The following DTNA variants were observed in gnomAD, a reference collection of about 807,000 sequenced individuals.
DTNA encodes the protein dystrobrevin alpha.
Under a neutral mutation model 100.7 loss-of-function variants are expected in DTNA, and 43 were observed. That is an observed-to-expected ratio of 0.43 (90% CI 0.33 to 0.55). The LOEUF is 0.55. Among genes scored for constraint, DTNA ranks in the 20% least tolerant of loss-of-function variants. DTNA has a pLI of 0.04. For synonymous variants in DTNA, 349 were observed against 347.9 expected, an observed-to-expected ratio of 1.00 and a Z score of -0.04; for missense variants, 798 against 953.9, an observed-to-expected ratio of 0.84 and a Z score of 2.15.
chr18:34,682,137 T>C (rs141040878), intron 1 of DTNA, among the ~76,000 whole-genome samples: 5 of 152,310 alleles, frequency 3.3e-5, no homozygotes, highest in African/African-American at 1.2e-4. Flanking sequence ...ATAGTTCATT[T>C]TGTTTTAGTG....
At chr18:34,634,881 T>C (rs745724022) in intron 1 of DTNA, among the ~76,000 whole-genome samples, 1 of 152,182 alleles carries the variant, frequency 6.6e-6, no homozygotes, top group Non-Finnish European at 1.5e-5. Context: ...TTATTAACTA[T>C]AGTCACTGCG....
chr18:34,712,405 A>G lies in DTNA; in HGVS notation c.-2+1960A>G, dbSNP rs16965792. On this transcript the variant is annotated intron_variant, in intron 1 of 22. Transcript: ENST00000444659. ...TTTCTATTAAATAAAATGAAAAAAA[A>G]TCTACAGTGAGGTTGTCTCAGTCTT... 7.8e-3 allele frequency among the ~76,000 whole-genome samples: 1,182 copies of G among 152,222 alleles called. 8 individuals are homozygous for G. Among genetic ancestry groups the G allele is most frequent in the African/African-American group, 0.027 (1,107 of 41,564 alleles).
At chr18:34,868,779 C>T (rs1879458643) in intron 17 of DTNA, 3 of 984,632 alleles carry the variant, frequency 3.0e-6, no homozygotes, top group Non-Finnish European at 3.6e-6. Flanking sequence ...ATTATGATAT[C>T]ACAAGCAATA....
At chr18:34,551,437 C>T (rs1231111111) in intron 1 of DTNA, among the ~76,000 whole-genome samples, 1 of 152,176 alleles carries the variant, frequency 6.6e-6, no homozygotes, top group Non-Finnish European at 1.5e-5. Context: ...AATGCACTCT[C>T]CATTCAGCAG....
At chr18:34,755,882 T>C in intron 1 of DTNA, 94 bp from the exon 2 acceptor site, 1 of 1,079,740 alleles carries the variant, frequency 9.3e-7, no homozygotes, top group East Asian at 2.5e-5. Context: ...TCTATGTGTT[T>C]GTGTCACAAG....
chr18:34,693,928 A>G (rs1439720792), intron 1 of DTNA, among the ~76,000 whole-genome samples: 1 of 152,204 alleles, frequency 6.6e-6, no homozygotes. Flanking sequence ...AAAAACGTAA[A>G]ACAGTGCAAT....
intron 4 of DTNA, among the ~76,000 whole-genome samples, chr18:34,804,370 A>G (rs537205304): frequency 1.3e-5 from 2 of 152,278 alleles, no homozygotes; most frequent in South Asian, 2.1e-4. Flanking sequence ...ATGAAATAAT[A>G]TGGTCAAATT....
At chr18:34,728,326 A>G (rs2087231747) in intron 1 of DTNA, among the ~76,000 whole-genome samples, 1 of 152,200 alleles carries the variant, frequency 6.6e-6, no homozygotes, top group Non-Finnish European at 1.5e-5. Flanking sequence ...GCAGTATAGG[A>G]GAACAGAAGG....
At chr18:34,708,989 G>A (rs1414040519), upstream of DTNA, among the ~76,000 whole-genome samples, 1 of 152,132 alleles carries the variant, frequency 6.6e-6, no homozygotes, top group Non-Finnish European at 1.5e-5. Flanking sequence ...GCATCTGCTT[G>A]ATTCCACAAT....
chr18:34,595,353 T>C (rs1044780388), intron 1 of DTNA, among the ~76,000 whole-genome samples: 1 of 152,088 alleles, frequency 6.6e-6, no homozygotes, highest in Non-Finnish European at 1.5e-5. Context: ...GGCTTACCAG[T>C]GTGGGATTTG....
chr18:34,593,955 A>C (rs1383135696), intron 1 of DTNA, among the ~76,000 whole-genome samples: 1 of 152,180 alleles, frequency 6.6e-6, no homozygotes, highest in Non-Finnish European at 1.5e-5. Flanking sequence ...TTGAGAAACA[A>C]AAAAAGGAAA....
chr18:34,556,042 A>G (rs1209251625), intron 1 of DTNA, among the ~76,000 whole-genome samples: 2 of 150,708 alleles, frequency 1.3e-5, no homozygotes, highest in Admixed American at 1.3e-4. Flanking sequence ...TGCTTTATGA[A>G]TCTGGGTGCT....
chr18:34,530,522 C>T lies in DTNA; in HGVS notation c.-2+37008C>T, dbSNP rs1170112322. On this transcript the variant is annotated intron_variant, in intron 1 of 19. Transcript: ENST00000283365. ...TTTCTTTAGTTACTTATCTCCATCC[C>T]CACCCAAACCCTCGTTTCTCCTTTC... Among the ~76,000 whole-genome samples, 3 of 152,144 alleles carry T rather than the reference C, an allele frequency of 2.0e-5. No individual in the cohort carries two copies. In the East Asian group the frequency reaches 5.8e-4, roughly 30 times the overall value.
At chr18:34,847,926 C>T (rs2096409212) in intron 13 of DTNA, among the ~76,000 whole-genome samples, 1 of 152,126 alleles carries the variant, frequency 6.6e-6, no homozygotes, top group Non-Finnish European at 1.5e-5. Context: ...TTCTTGCTTT[C>T]CTATTTTCTA....
chr18:34,712,385 A>G (rs1376625749), intron 1 of DTNA, among the ~76,000 whole-genome samples: 1 of 152,060 alleles, frequency 6.6e-6, no homozygotes, highest in Non-Finnish European at 1.5e-5. Flanking sequence ...GTTCCTTTCT[A>G]TTAAATAAAA....
chr18:34,802,581 G>A (rs1227950596), intron 4 of DTNA, among the ~76,000 whole-genome samples: 1 of 152,132 alleles, frequency 6.6e-6, no homozygotes, highest in Non-Finnish European at 1.5e-5. Context: ...ATGAAATAGG[G>A]ACCCTGGTCC....
At chr18:34,548,571 T>C (rs1367112644) in intron 1 of DTNA, among the ~76,000 whole-genome samples, 1 of 152,082 alleles carries the variant, frequency 6.6e-6, no homozygotes, top group Non-Finnish European at 1.5e-5. Context: ...TGTGCTTTGA[T>C]TTAAGGGCAT....
At chr18:34,559,781 A>C (rs1462494127) in intron 1 of DTNA, among the ~76,000 whole-genome samples, 1 of 152,156 alleles carries the variant, frequency 6.6e-6, no homozygotes, top group Non-Finnish European at 1.5e-5. Context: ...TCAGAACTAG[A>C]CTTCCTTTTA....
At chr18:34,789,730 T>G (rs543569177) in intron 3 of DTNA, among the ~76,000 whole-genome samples, 1 of 152,352 alleles carries the variant, frequency 6.6e-6, no homozygotes, top group South Asian at 2.1e-4. Context: ...ATTTTATTTT[T>G]CATGAAATAT....
Sources: allele counts gnomAD v4.1 joint callset (sites outside exome capture counted in the v4.1 genomes callset), GRCh38; gene constraint gnomAD v4.1.1; transcripts MANE v1.5; gene names NCBI Gene and HGNC (gene_info 2026-07-23, HGNC 2026-07-21).